The following RANBP2 variants were observed in gnomAD, a reference collection of about 807,000 sequenced individuals.
The protein encoded by RANBP2 is RAN binding protein 2.
In RANBP2, 57 loss-of-function variants were observed where a neutral mutation model predicts 303.6. The ratio of observed to expected loss-of-function variants is 0.19; its 90% CI spans 0.15 to 0.23. RANBP2 has a LOEUF of 0.23. Among genes scored for constraint, RANBP2 ranks in the 10% least tolerant of loss-of-function variants. RANBP2 has a pLI of 1.00. For missense variants in RANBP2, 3,138 were observed against 3,780.8 expected (o/e 0.83, Z 4.46); for synonymous variants, 1,167 against 1,301.5 (o/e 0.90, Z 2.23).
chr2:109,312,901 G>T, the RANBP2 span, among the ~76,000 whole-genome samples: 78 of 152,236 alleles, frequency 5.1e-4, no homozygotes, highest in South Asian at 3.9e-3. Context: ...GGACTTGCTG[G>T]GTCACGTGGT....
chr2:109,304,147 C>T, the RANBP2 span, among the ~76,000 whole-genome samples: 7 of 152,002 alleles, frequency 4.6e-5, no homozygotes, highest in Admixed American at 2.0e-4. Context: ...TTTAAGTAGA[C>T]AGTACAGTAT....
At chr2:109,179,342 ACT>A in the RANBP2 span, among the ~76,000 whole-genome samples, 4 of 152,008 alleles carry the variant, frequency 2.6e-5, no homozygotes, top group East Asian at 7.8e-4. Context: ...GTGAGTCCAG[ACT>A]CTTCCTGTAT....
chr2:109,260,031 A>AT, the RANBP2 span, among the ~76,000 whole-genome samples: 2 of 152,088 alleles, frequency 1.3e-5, no homozygotes, highest in African/African-American at 4.8e-5. Flanking sequence ...AGTAATTGTA[A>AT]TTTTTTTGGT....
the RANBP2 span, among the ~76,000 whole-genome samples, chr2:109,338,709 C>T: frequency 1.3e-5 from 2 of 152,294 alleles, no homozygotes; most frequent in African/African-American, 4.8e-5. Context: ...AGGCATGCGC[C>T]ACCACGCCCG....
At chr2:108,882,490 A>G in the RANBP2 span, 5 of 152,206 alleles carry the variant, frequency 3.3e-5, no homozygotes, top group Admixed American at 6.5e-5. Context: ...GGAATTCTCT[A>G]AAAGTGTAAA....
the RANBP2 span, among the ~76,000 whole-genome samples, chr2:109,120,803 G>C: frequency 6.6e-6 from 1 of 152,148 alleles, no homozygotes; most frequent in Non-Finnish European, 1.5e-5. Context: ...CCCAGGCAGC[G>C]GATACCTACT....
At chr2:108,974,228 G>A in the RANBP2 span, among the ~76,000 whole-genome samples, 1 of 149,840 alleles carries the variant, frequency 6.7e-6, no homozygotes, top group African/African-American at 2.4e-5. Context: ...TAGTTGGGAG[G>A]TTGAGGCAGG....
At chr2:109,009,121 C>T in the RANBP2 span, among the ~76,000 whole-genome samples, 4 of 151,736 alleles carry the variant, frequency 2.6e-5, no homozygotes, top group South Asian at 2.1e-4. Flanking sequence ...GGGCGGATCA[C>T]GAGGTCAGGA....
At chr2:109,064,120 A>C in the RANBP2 span, among the ~76,000 whole-genome samples, 1 of 152,166 alleles carries the variant, frequency 6.6e-6, no homozygotes, top group East Asian at 1.9e-4. Context: ...ATAACTCTGT[A>C]AGGTATGTAC....
At chr2:109,155,819 A>G in the RANBP2 span, among the ~76,000 whole-genome samples, 2 of 152,240 alleles carry the variant, frequency 1.3e-5, no homozygotes, top group Admixed American at 1.3e-4. Context: ...AAGATGTTCC[A>G]GAACTAGGTG....
the RANBP2 span, among the ~76,000 whole-genome samples, chr2:108,881,142 A>T: frequency 4.7e-4 from 72 of 152,304 alleles, 1 homozygote; most frequent in African/African-American, 1.7e-3. Context: ...CTACATTGAA[A>T]ATCTGTTGTG....
chr2:109,006,929 G>A, the RANBP2 span, among the ~76,000 whole-genome samples: 1 of 152,206 alleles, frequency 6.6e-6, no homozygotes, highest in African/African-American at 2.4e-5. Context: ...AAATAAATTT[G>A]ATTACTTTGG....
chr2:108,806,947 G>A, the RANBP2 span, among the ~76,000 whole-genome samples: 1 of 152,202 alleles, frequency 6.6e-6, no homozygotes, highest in Non-Finnish European at 1.5e-5. Context: ...TTGGGACTGG[G>A]TGAATTAGAG....
chr2:109,245,154 G>A, the RANBP2 span, among the ~76,000 whole-genome samples: 1 of 152,178 alleles, frequency 6.6e-6, no homozygotes, highest in Non-Finnish European at 1.5e-5. Flanking sequence ...CTCCCCTGCT[G>A]GAGCCCACTT....
the RANBP2 span, among the ~76,000 whole-genome samples, chr2:109,707,052 T>C: frequency 3.9e-5 from 6 of 152,202 alleles, no homozygotes; most frequent in Non-Finnish European, 8.8e-5. Flanking sequence ...AAAGGAGATA[T>C]TACATCTTAC....
chr2:109,236,528 A>G, the RANBP2 span, among the ~76,000 whole-genome samples: 1 of 152,164 alleles, frequency 6.6e-6, no homozygotes, highest in African/African-American at 2.4e-5. Flanking sequence ...TAAATGGTAT[A>G]TTTTGTTTTG....
chr2:108,897,702 GC>G, the RANBP2 span, among the ~76,000 whole-genome samples: 2 of 152,122 alleles, frequency 1.3e-5, no homozygotes, highest in Non-Finnish European at 2.9e-5. Flanking sequence ...CCAAGTCACT[GC>G]CAACTCAGTG....
At chr2:109,709,662 A>T in the RANBP2 span, among the ~76,000 whole-genome samples, 1 of 152,280 alleles carries the variant, frequency 6.6e-6, no homozygotes, top group Non-Finnish European at 1.5e-5. Context: ...GCCTGGCACA[A>T]GGGAAGGGCT....
chr2:108,920,755 T>A, the RANBP2 span, among the ~76,000 whole-genome samples: 2 of 152,232 alleles, frequency 1.3e-5, no homozygotes, highest in Non-Finnish European at 2.9e-5. Flanking sequence ...TCATTTCTCC[T>A]CAGGGTTATT....
Sources: allele counts gnomAD v4.1 joint callset (sites outside exome capture counted in the v4.1 genomes callset), GRCh38; gene constraint gnomAD v4.1.1; transcripts MANE v1.5; gene names NCBI Gene and HGNC (gene_info 2026-07-23, HGNC 2026-07-21).